FRMD6: variants seen among roughly 807,000 people sequenced by gnomAD.
The protein encoded by FRMD6 is FERM domain containing 6, also known as FERM domain-containing protein 6.
In FRMD6, 37 loss-of-function variants were observed where a neutral mutation model predicts 73.2. The ratio of observed to expected loss-of-function variants is 0.51; its 90% CI spans 0.39 to 0.66. The LOEUF is 0.66. Ranked by LOEUF, FRMD6 falls within the 30% of genes least tolerant of loss-of-function variation. The pLI is 0.00. For synonymous variants in FRMD6, 273 were observed against 282.2 expected (o/e 0.97, Z 0.33); for missense variants, 714 against 780.5 (o/e 0.91, Z 1.02).
At chr14:51,515,419 G>A (rs897330263) in intron 1 of FRMD6, among the ~76,000 whole-genome samples, 1 of 152,188 alleles carries the variant, frequency 6.6e-6, no homozygotes, top group East Asian at 1.9e-4. Flanking sequence ...TATATCTGCT[G>A]CTTCAATTCC....
At chr14:51,652,949 C>G (rs1294821417) in intron 1 of FRMD6, among the ~76,000 whole-genome samples, 1 of 152,238 alleles carries the variant, frequency 6.6e-6, no homozygotes, top group East Asian at 1.9e-4. Context: ...AAGTTGAAAG[C>G]TGGCAGATTT....
the FRMD6 span, among the ~76,000 whole-genome samples, chr14:51,407,154 AT>A: frequency 1.4e-4 from 21 of 150,666 alleles, no homozygotes; most frequent in Middle Eastern, 3.4e-3. Flanking sequence ...ATGTAGTATT[AT>A]TTTTTTTAAA....
At position 51,644,387 on chromosome 14, in the gene FRMD6, A is replaced by ACACACACACACACTCT. The variant is rs1489278384; in HGVS notation, c.-146-45303_-146-45302insACACACACACACTCTC. Reference sequence around the variant, plus strand: ...CACACACACACACACACACACACACACTCACTCACTCTCTCTCTCTCTCTC... The same window carrying ACACACACACACACTCT: ...CACACACACACACACACACACACACACACACACACACACTCTCTCACTCACTCTCTCTCTCTCTCTC... On this transcript the variant is annotated intron_variant, in intron 2 of 14. Coordinates refer to the FRMD6 transcript ENST00000356218. Among the ~76,000 whole-genome samples, 300 of 115,034 alleles carry ACACACACACACACTCT rather than the reference A, an allele frequency of 2.6e-3. 8 individuals are homozygous for ACACACACACACACTCT. Among genetic ancestry groups the ACACACACACACACTCT allele is most frequent in the Admixed American group, 0.023 (258 of 11,014 alleles). 75.5% of individuals were successfully genotyped at this position (115,034 alleles called of 152,430 possible). A position where few individuals can be genotyped will look rare whatever the true frequency, so the allele number is the denominator to read the frequency against.
At chr14:51,486,818 C>A (rs745519473), upstream of FRMD6, among the ~76,000 whole-genome samples, 1 of 152,116 alleles carries the variant, frequency 6.6e-6, no homozygotes, top group Non-Finnish European at 1.5e-5. Flanking sequence ...CGATCTCTGA[C>A]CTTGCAGCCC....
At chr14:51,662,624 T>G (rs1195355439) in intron 1 of FRMD6, among the ~76,000 whole-genome samples, 1 of 152,212 alleles carries the variant, frequency 6.6e-6, no homozygotes, top group Non-Finnish European at 1.5e-5. Context: ...GACTGCCTCC[T>G]TATACCATAT....
chr14:51,401,925 A>C, the FRMD6 span, among the ~76,000 whole-genome samples: 1 of 152,194 alleles, frequency 6.6e-6, no homozygotes, highest in African/African-American at 2.4e-5. Flanking sequence ...GCTGAAGATA[A>C]GGTTGAAACA....
At chr14:51,556,503 TACAAG>T (rs762509264) in intron 1 of FRMD6, among the ~76,000 whole-genome samples, 2 of 152,182 alleles carry the variant, frequency 1.3e-5, no homozygotes, top group African/African-American at 2.4e-5. Flanking sequence ...TTAATTGCTT[TACAAG>T]ACTGAGGCTC....
intron 1 of FRMD6, among the ~76,000 whole-genome samples, chr14:51,675,064 G>A (rs1894290348): frequency 6.6e-6 from 1 of 152,128 alleles, no homozygotes; most frequent in Non-Finnish European, 1.5e-5. Context: ...TTGGCATATG[G>A]GAAATAGAAT....
chr14:51,709,594 T>C (rs1342917726), intron 7 of FRMD6, among the ~76,000 whole-genome samples: 6 of 152,186 alleles, frequency 3.9e-5, no homozygotes, highest in African/African-American at 1.4e-4. Context: ...AGATGCATTA[T>C]TAATGCCCCA....
chr14:51,606,860 C>T (rs1440708548), intron 2 of FRMD6, among the ~76,000 whole-genome samples: 1 of 152,140 alleles, frequency 6.6e-6, no homozygotes, highest in Non-Finnish European at 1.5e-5. Flanking sequence ...AATGCTCAGT[C>T]TGAGGCCAAA....
chr14:51,412,559 T>C, the FRMD6 span, among the ~76,000 whole-genome samples: 1 of 152,080 alleles, frequency 6.6e-6, no homozygotes, highest in East Asian at 1.9e-4. Context: ...TTACATAAGA[T>C]AACACGGACA....
the FRMD6 span, among the ~76,000 whole-genome samples, chr14:51,446,371 C>T: frequency 1.3e-5 from 2 of 151,370 alleles, no homozygotes; most frequent in African/African-American, 4.9e-5. Flanking sequence ...ACTGCTGCTG[C>T]CCAAGAGTAT....
intron 7 of FRMD6, 154 bp downstream of exon 7, chr14:51,708,387 C>A: frequency 2.7e-6 from 2 of 733,552 alleles, no homozygotes; most frequent in Non-Finnish European, 4.3e-6. Flanking sequence ...TTTGTTATCG[C>A]ACGTCAGTCT....
At chr14:51,499,095 T>C (rs1028330878) in intron 1 of FRMD6, among the ~76,000 whole-genome samples, 4 of 152,212 alleles carry the variant, frequency 2.6e-5, no homozygotes, top group Non-Finnish European at 5.9e-5. Flanking sequence ...CACTGCAGTT[T>C]TCAATACAGT....
chr14:51,543,834 G>A (rs573449813), intron 1 of FRMD6, among the ~76,000 whole-genome samples: 10 of 152,136 alleles, frequency 6.6e-5, no homozygotes, highest in African/African-American at 2.4e-4. Flanking sequence ...TGGCAGCAAT[G>A]TAAGCGTGGA....
chr14:51,716,614 G>A (rs865861215), intron 10 of FRMD6, among the ~76,000 whole-genome samples: 3 of 152,208 alleles, frequency 2.0e-5, no homozygotes, highest in South Asian at 4.1e-4. Context: ...AATGAGACCC[G>A]GTTTGGCAAT....
intron 2 of FRMD6, among the ~76,000 whole-genome samples, chr14:51,632,612 C>T (rs984829402): frequency 6.6e-6 from 1 of 152,214 alleles, no homozygotes; most frequent in African/African-American, 2.4e-5. Context: ...TTCTCTCCAT[C>T]TCACCCCTCT....
intron 2 of FRMD6, among the ~76,000 whole-genome samples, chr14:51,618,493 T>G (rs1890798643): frequency 6.6e-6 from 1 of 152,196 alleles, no homozygotes; most frequent in Non-Finnish European, 1.5e-5. Flanking sequence ...GTTGCGAGAC[T>G]ACTGATGAGT....
rs1444044246 is a variant in FRMD6 at position 51,570,544 on chromosome 14, A to G, written c.-147+134A>G. 4 of 152,358 alleles carry G rather than the reference A, an allele frequency of 2.6e-5. 1 individual carries two copies. The Middle Eastern group carries it at 0.01, about 389-fold the overall frequency. 9.4% of individuals were successfully genotyped at this position (152,358 alleles called of 1,614,324 possible). A position where few individuals can be genotyped will look rare whatever the true frequency, so the allele number is the denominator to read the frequency against. ...TGGGAAAGGTCAAATAAGATCTCCA[A>G]TCGTGTACAATTCCAAATACATTTG... On this transcript the variant is annotated intron_variant, in intron 2 of 14. Transcript: ENST00000356218.
Sources: allele counts gnomAD v4.1 joint callset (sites outside exome capture counted in the v4.1 genomes callset), GRCh38; gene constraint gnomAD v4.1.1; transcripts MANE v1.5; gene names NCBI Gene and HGNC (gene_info 2026-07-23, HGNC 2026-07-21).